SYTL3: variants seen among roughly 807,000 people sequenced by gnomAD.
SYTL3 encodes the protein synaptotagmin like 3.
A neutral mutation model predicts 82.1 loss-of-function variants in SYTL3; 88 were observed. The observed-to-expected ratio is 1.07, with a 90% CI of 0.90 to 1.28. The LOEUF is 1.28. Ranked by LOEUF, SYTL3 falls within the 50% of genes most tolerant of loss-of-function variation. The pLI, the probability that SYTL3 is intolerant of heterozygous loss-of-function variation, is 0.00. For missense variants in SYTL3, 831 were observed against 757.6 expected (o/e 1.10, Z -1.14); for synonymous variants, 311 against 289.4 (o/e 1.07, Z -0.76).
At chr6:158,682,880 T>G (rs1398535408) in intron 5 of SYTL3, 45 bp from the exon 6 acceptor site, 1 of 1,471,968 alleles carries the variant, frequency 6.8e-7, no homozygotes, top group South Asian at 1.1e-5. Flanking sequence ...ATAGCACTAT[T>G]CATATCTTCT....
At chr6:158,653,738 G>T (rs1458665412) in intron 2 of SYTL3, among the ~76,000 whole-genome samples, 1 of 152,168 alleles carries the variant, frequency 6.6e-6, no homozygotes, top group Non-Finnish European at 1.5e-5. Context: ...CTTTGAGAAC[G>T]TTCTGTAGTC....
intron 9 of SYTL3, among the ~76,000 whole-genome samples, chr6:158,714,284 G>A (rs1472933181): frequency 2.6e-5 from 4 of 152,004 alleles, no homozygotes; most frequent in East Asian, 3.9e-4. Flanking sequence ...CCCAGGAGGC[G>A]GAGGTTGCAG....
intron 5 of SYTL3, among the ~76,000 whole-genome samples, chr6:158,675,189 T>C (rs749284854): frequency 2.0e-5 from 3 of 152,178 alleles, no homozygotes; most frequent in Non-Finnish European, 4.4e-5. Context: ...GGGAGGATAT[T>C]CATTCATTCA....
rs1788450788 is a variant in SYTL3, at chr6:158,751,991, A to G, written c.1098A>G (p.Gln366=). The change falls in exon 13 of 18, where the codon CAA becomes CAG. Residue 366 remains glutamine (Q), a synonymous_variant. Transcript: ENST00000611299. ...AGGGAAAGCGCAAGACTGGAGTCCA[A>G]AGGAACACCGTGGACCCGACCTTTC... ...SSQGKRKTGV[Q]RNTVDPTFQE... The G allele has an allele frequency of 6.2e-7, 1 of 1,603,046 alleles. No individual in the cohort carries two copies. The highest frequency in any genetic ancestry group is 8.5e-7 in the Non-Finnish European group (1 of 1,175,404).
At chr6:158,713,064 T>A (rs1782940875) in intron 8 of SYTL3, among the ~76,000 whole-genome samples, 1 of 152,268 alleles carries the variant, frequency 6.6e-6, no homozygotes, top group East Asian at 1.9e-4. Flanking sequence ...CTGGCCTCTT[T>A]TTCAGTTTCA....
In SYTL3 at chr6:158,713,842, G is replaced by A; in HGVS notation, c.559G>A (p.Glu187Lys). The A allele has an allele frequency of 6.4e-7, 1 of 1,550,892 alleles. No individual in the cohort carries two copies. Among genetic ancestry groups the A allele is most frequent in the Non-Finnish European group, 8.7e-7 (1 of 1,146,832 alleles). ...GTTTAGAGGATTTAATAAGTCCGTG[G>A]AAAATTTGTTTCTGTCTCTTGCTAC... ...GQFRGFNKSV[E>K]NLFLSLATHV... Residue 187 changes from glutamate to lysine, a missense_variant, in exon 9 of 18, where the codon GAA becomes AAA. By Grantham distance (56) the Glu-to-Lys change is moderately conservative. Coordinates refer to ENST00000611299, the MANE Select transcript of SYTL3 (RefSeq NM_001242394.2).
rs3123095 is a variant in SYTL3 at position 158,752,820 on chromosome 6, A to T, written c.1137+790A>T. Among the ~76,000 whole-genome samples, 3 of 152,126 alleles carry T rather than the reference A, an allele frequency of 2.0e-5. No homozygotes were observed. In the South Asian group the frequency reaches 6.2e-4, roughly 32 times the overall value. ...AGGGGGTGTCTGTGAGCTGCCAGCC[A>T]GGGGCCATCTGGGCAGCTGGCACAG... On this transcript the variant is annotated intron_variant, in intron 13 of 17. Transcript: ENST00000611299.
At chr6:158,736,788 CAA>C (rs56148264) in intron 11 of SYTL3, among the ~76,000 whole-genome samples, 17 of 62,666 alleles carry the variant, frequency 2.7e-4, no homozygotes, top group Non-Finnish European at 3.2e-4. Context: ...GACTCTGTCT[CAA>C]AAAAAAAAAA....
At chr6:158,648,606 A>AT (rs1562331127), upstream of SYTL3, among the ~76,000 whole-genome samples, 19 of 145,818 alleles carry the variant, frequency 1.3e-4, no homozygotes, top group East Asian at 6.2e-4. Flanking sequence ...AAAAAAAAAA[A>AT]AAATAATAAT....
intron 6 of SYTL3, among the ~76,000 whole-genome samples, chr6:158,701,174 A>ACTGTCTGG (rs1174100414): frequency 1.5e-5 from 2 of 129,536 alleles, no homozygotes; most frequent in African/African-American, 6.3e-5. Context: ...TAGATGAAGG[A>ACTGTCTGG]GGTGAGCTGG....
Position 158,745,572 on chromosome 6 carries a change from T to C in SYTL3, c.948T>C (p.Tyr316=). 4 of 1,613,956 alleles carry C rather than the reference T, an allele frequency of 2.5e-6. No homozygotes were observed. Among genetic ancestry groups the C allele is most frequent in the Non-Finnish European group, 3.4e-6 (4 of 1,179,968 alleles). ...GAGAAATAGAATTTGCCATTCATTATTGCTTCAAAACCCATTCTTTAGAAA... is the reference window on the plus strand; with the variant it reads ...GAGAAATAGAATTTGCCATTCATTACTGCTTCAAAACCCATTCTTTAGAAA... ...VTGEIEFAIH[Y]CFKTHSLEIC... is the part of the protein sequence containing the mutation. Residue 316 remains tyrosine (Y), a synonymous_variant, in exon 12 of 18, where the codon TAT becomes TAC. Coordinates refer to ENST00000611299, the MANE Select transcript of SYTL3 (RefSeq NM_001242394.2).
chr6:158,677,502 T>A (rs529143651), intron 5 of SYTL3, among the ~76,000 whole-genome samples: 1 of 152,122 alleles, frequency 6.6e-6, no homozygotes, highest in African/African-American at 2.4e-5. Context: ...TATACATATG[T>A]AACACACCTG....
At chr6:158,762,666 C>G (rs887893111) in intron 16 of SYTL3, among the ~76,000 whole-genome samples, 16 of 152,146 alleles carry the variant, frequency 1.1e-4, no homozygotes, top group African/African-American at 3.6e-4. Flanking sequence ...CCTGTAATCC[C>G]AGCACTTTGG....
chr6:158,749,303 G>C (rs1329796425), intron 12 of SYTL3, among the ~76,000 whole-genome samples: 1 of 139,556 alleles, frequency 7.2e-6, no homozygotes, highest in African/African-American at 2.7e-5. Flanking sequence ...TGAGGTGGGA[G>C]AATCACCTCA....
intron 5 of SYTL3, among the ~76,000 whole-genome samples, chr6:158,682,677 A>G (rs1778848429): frequency 6.6e-6 from 1 of 152,158 alleles, no homozygotes; most frequent in Non-Finnish European, 1.5e-5. Flanking sequence ...CATATTATAC[A>G]TTGAACGTAC....
At chr6:158,709,209 A>G (rs943640142) in intron 8 of SYTL3, among the ~76,000 whole-genome samples, 2 of 152,202 alleles carry the variant, frequency 1.3e-5, no homozygotes, top group African/African-American at 4.8e-5. Flanking sequence ...AGCCTGGGCA[A>G]CAGAGCAAGA....
rs11463987 is a variant in SYTL3, at chr6:158,761,301, C to CTTTTTTTTTTTT, written c.1414+564_1414+575dup. On this transcript the variant is annotated intron_variant, in intron 15 of 17. Coordinates refer to ENST00000611299, the MANE Select transcript of SYTL3 (RefSeq NM_001242394.2). ...AGGAGGACTGGGAGAATGCACATTT[C>CTTTTTTTTTTTT]TTTTTTTTTTTTTTTTTTTGAGACA... Among the ~76,000 whole-genome samples, 8 of 93,874 alleles carry CTTTTTTTTTTTT rather than the reference C, an allele frequency of 8.5e-5. 1 individual carries two copies. Among genetic ancestry groups the CTTTTTTTTTTTT allele is most frequent in the Non-Finnish European group, 1.5e-4 (7 of 47,820 alleles). The allele number at this position is 93,874 out of a possible 152,430, so 61.6% of individuals were successfully genotyped here. A position where few individuals can be genotyped will look rare whatever the true frequency, so the allele number is the denominator to read the frequency against.
At chr6:158,668,381 G>A (rs1790350200) in intron 5 of SYTL3, among the ~76,000 whole-genome samples, 1 of 152,144 alleles carries the variant, frequency 6.6e-6, no homozygotes, top group Non-Finnish European at 1.5e-5. Flanking sequence ...GGCACCTGCT[G>A]CCACGCCTGG....
chr6:158,725,566 C>G lies in SYTL3; in HGVS notation c.784C>G (p.Pro262Ala). The change falls in exon 11 of 18, where the codon CCT (proline) becomes GCT (alanine). Residue 262 changes from proline to alanine, a missense_variant. Transcript: ENST00000611299. ...AGAGGATCCCAAATGCTCTACTAAC[C>G]CTATTTTGAAGCAACAGAATCTCCC... ...NQEDPKCSTN[P>A]ILKQQNLPSS... 6.2e-7 allele frequency: 1 copy of G among 1,614,196 alleles called. No individual in the cohort carries two copies. Among genetic ancestry groups the G allele is most frequent in the African/African-American group, 1.3e-5 (1 of 75,038 alleles).
Sources: allele counts gnomAD v4.1 joint callset (sites outside exome capture counted in the v4.1 genomes callset), GRCh38; gene constraint gnomAD v4.1.1; transcripts MANE v1.5; gene names NCBI Gene and HGNC (gene_info 2026-07-23, HGNC 2026-07-21).